IMPG1: variants seen among roughly 807,000 people sequenced by gnomAD.
The protein encoded by IMPG1 is interphotoreceptor matrix proteoglycan of 150 kDa.
Under a neutral mutation model 92.0 loss-of-function variants are expected in IMPG1, and 85 were observed. The observed-to-expected ratio is 0.92, with a 90% CI of 0.78 to 1.11. The LOEUF (loss-of-function observed/expected upper bound fraction) is 1.11. IMPG1 is among the 50% of genes least tolerant of loss of function. The probability of loss-of-function intolerance (pLI) is 0.00; values close to 1 mark genes in which losing one functional copy is unlikely to be tolerated. For missense variants in IMPG1, 1,022 were observed against 956.0 expected, an observed-to-expected ratio of 1.07 and a Z score of -0.91; for synonymous variants, 367 against 334.1, an observed-to-expected ratio of 1.10 and a Z score of -1.08.
At position 76,072,449 on chromosome 6, in the gene IMPG1, T is replaced by C. The variant is rs1245839709; in HGVS notation, c.40A>G (p.Ile14Val). ...TTGGTTCCTTGAACTTGGAGAAAAA[T>C]CCAAAAAACAAAAATAGCTCTTCTA... ...ETRRAIFVFW[I>V]FLQVQGTKDI... The change falls in exon 1 of 17, where the codon ATT (isoleucine) becomes GTT (valine). Residue 14 changes from isoleucine (I) to valine (V), a missense_variant. Physicochemically the swap from Ile to Val is conservative, Grantham distance 29. Coordinates refer to ENST00000369950, the MANE Select transcript of IMPG1 (RefSeq NM_001563.4). 1.3e-6 allele frequency: 2 copies of C among 1,597,752 alleles called. No individual in the cohort carries two copies. The highest frequency in any genetic ancestry group is 1.1e-5 in the South Asian group (1 of 89,498).
At chr6:76,071,772 ATG>A (rs1784406610) in intron 1 of IMPG1, among the ~76,000 whole-genome samples, 1 of 152,072 alleles carries the variant, frequency 6.6e-6, no homozygotes, top group Non-Finnish European at 1.5e-5. Flanking sequence ...TTTCTCCAAC[ATG>A]TGTGTTTCTT....
intron 10 of IMPG1, among the ~76,000 whole-genome samples, chr6:76,004,322 A>G (rs1458442402): frequency 1.3e-5 from 2 of 152,214 alleles, no homozygotes; most frequent in Non-Finnish European, 2.9e-5. Context: ...ACCAAGGATC[A>G]TTTGTGGCAA....
chr6:76,068,490 A>T (rs1209443000), intron 1 of IMPG1, among the ~76,000 whole-genome samples: 2 of 150,212 alleles, frequency 1.3e-5, no homozygotes, highest in Non-Finnish European at 1.5e-5. Context: ...GGAAGAATCA[A>T]TATTTTTAAA....
At chr6:75,965,842 T>G (rs545484181) in intron 12 of IMPG1, among the ~76,000 whole-genome samples, 1 of 152,026 alleles carries the variant, frequency 6.6e-6, no homozygotes, top group South Asian at 2.1e-4. Flanking sequence ...CTCCTGACCT[T>G]GTGATCTGCC....
chr6:76,059,226 T>C (rs1368968314), intron 1 of IMPG1, among the ~76,000 whole-genome samples: 3 of 151,914 alleles, frequency 2.0e-5, no homozygotes, highest in Non-Finnish European at 4.4e-5. Context: ...AGGGGGGTGG[T>C]TTTGAAGAGA....
chr6:75,983,393 A>G (rs1036184224), intron 12 of IMPG1, among the ~76,000 whole-genome samples: 1 of 152,178 alleles, frequency 6.6e-6, no homozygotes, highest in Non-Finnish European at 1.5e-5. Flanking sequence ...GACCAGTGGA[A>G]TAGAATAGAG....
At chr6:76,020,827 T>C (rs1016520901) in intron 6 of IMPG1, among the ~76,000 whole-genome samples, 5 of 152,184 alleles carry the variant, frequency 3.3e-5, no homozygotes, top group Non-Finnish European at 7.4e-5. Flanking sequence ...CCTATATATA[T>C]AGTGTGACTT....
intron 14 of IMPG1, among the ~76,000 whole-genome samples, chr6:75,936,092 A>C (rs1180722370): frequency 1.3e-5 from 2 of 152,230 alleles, no homozygotes; most frequent in Non-Finnish European, 2.9e-5. Flanking sequence ...TCTACCAGTG[A>C]AGAAGCCTCA....
At chr6:75,935,522 C>CGGGCAGCTGT (rs1781730767) in intron 14 of IMPG1, among the ~76,000 whole-genome samples, 1 of 152,176 alleles carries the variant, frequency 6.6e-6, no homozygotes, top group Non-Finnish European at 1.5e-5. Context: ...CTGGCTGCTG[C>CGGGCAGCTGT]GGGCAGCTGT....
At chr6:76,031,599 C>T (rs1783654152) in intron 4 of IMPG1, among the ~76,000 whole-genome samples, 1 of 152,120 alleles carries the variant, frequency 6.6e-6, no homozygotes, top group Admixed American at 6.5e-5. Context: ...ATACTATGTA[C>T]TTAATAAATG....
intron 12 of IMPG1, among the ~76,000 whole-genome samples, chr6:75,979,806 AC>A (rs1782598417): frequency 6.6e-6 from 1 of 152,246 alleles, no homozygotes; most frequent in African/African-American, 2.4e-5. Flanking sequence ...AAATTTCACA[AC>A]AAAAGAGTAA....
At chr6:76,003,024 GT>G (rs1429036654) in intron 11 of IMPG1, 28 bp from the exon 12 acceptor site, 1 of 1,529,872 alleles carries the variant, frequency 6.5e-7, no homozygotes, top group Non-Finnish European at 9.1e-7. Context: ...CAAGACAGAT[GT>G]TGAGAAAGGA....
chr6:76,062,221 G>A (rs1425897050), intron 1 of IMPG1, among the ~76,000 whole-genome samples: 1 of 152,160 alleles, frequency 6.6e-6, no homozygotes, highest in Non-Finnish European at 1.5e-5. Context: ...TTTATGCTGA[G>A]TCTTAAATAC....
At chr6:75,932,809 T>C (rs562822898) in intron 14 of IMPG1, among the ~76,000 whole-genome samples, 1 of 152,138 alleles carries the variant, frequency 6.6e-6, no homozygotes, top group South Asian at 2.1e-4. Flanking sequence ...CAAGCGATTC[T>C]CCTGCCTCAG....
chr6:75,938,687 C>G (rs1781787286), intron 14 of IMPG1, among the ~76,000 whole-genome samples: 1 of 152,058 alleles, frequency 6.6e-6, no homozygotes, highest in Admixed American at 6.5e-5. Context: ...GTGGTGCACC[C>G]CTGTGATACC....
At chr6:76,022,410 C>T (rs1444689209) in intron 5 of IMPG1, among the ~76,000 whole-genome samples, 191 bp from the exon 6 acceptor site, 3 of 151,784 alleles carry the variant, frequency 2.0e-5, no homozygotes, top group Non-Finnish European at 4.4e-5. Flanking sequence ...GTCCTAAATT[C>T]TTCATTCTTT....
chr6:75,990,317 G>C (rs1430332182), intron 12 of IMPG1, among the ~76,000 whole-genome samples: 1 of 152,162 alleles, frequency 6.6e-6, no homozygotes, highest in Non-Finnish European at 1.5e-5. Flanking sequence ...AACTAGCAAT[G>C]AAGAGTTATT....
chr6:75,973,432 T>C (rs1782455667), intron 12 of IMPG1, among the ~76,000 whole-genome samples: 1 of 152,216 alleles, frequency 6.6e-6, no homozygotes, highest in Non-Finnish European at 1.5e-5. Flanking sequence ...CAAATATTTA[T>C]TGCCTGTTGA....
intron 5 of IMPG1, 199 bp downstream of exon 5, chr6:76,024,995 G>T (rs1280504954): frequency 1.6e-6 from 1 of 618,580 alleles, no homozygotes; most frequent in Non-Finnish European, 3.0e-6. Flanking sequence ...GAATGGTTTG[G>T]TTTTACCTTT....
Sources: allele counts gnomAD v4.1 joint callset (sites outside exome capture counted in the v4.1 genomes callset), GRCh38; gene constraint gnomAD v4.1.1; transcripts MANE v1.5; gene names NCBI Gene and HGNC (gene_info 2026-07-23, HGNC 2026-07-21).